Variants in SEC14L1 observed in about 807,000 individuals in gnomAD.
The protein encoded by SEC14L1 is SEC14-like protein 1.
In SEC14L1, 48 loss-of-function variants were observed where a neutral mutation model predicts 85.3. That is an observed-to-expected ratio of 0.56 (90% CI 0.45 to 0.72). The LOEUF (loss-of-function observed/expected upper bound fraction) is 0.72, where lower values mean the gene tolerates loss of function less well. Among genes scored for constraint, SEC14L1 ranks in the 30% least tolerant of loss-of-function variants. The probability of loss-of-function intolerance (pLI) is 0.00; values close to 1 mark genes in which losing one functional copy is unlikely to be tolerated. For synonymous variants in SEC14L1, 391 were observed against 355.5 expected (o/e 1.10, Z -1.12); for missense variants, 682 against 921.4 (o/e 0.74, Z 3.36).
chr17:77,124,684 C>T (rs1972390373), intron 3 of SEC14L1, among the ~76,000 whole-genome samples: 1 of 152,132 alleles, frequency 6.6e-6, no homozygotes, highest in African/African-American at 2.4e-5. Context: ...ACTCACATTC[C>T]AGCATTGCAA....
At chr17:77,140,951 G>A (rs1972976874), upstream of SEC14L1, 1 of 139,292 alleles carries the variant, frequency 7.2e-6, no homozygotes, top group African/African-American at 2.7e-5. Context: ...AAGTGCCGTC[G>A]CCGCGCCCCT....
At chr17:77,121,749 C>G (rs1056187769) in intron 3 of SEC14L1, among the ~76,000 whole-genome samples, 8 of 152,206 alleles carry the variant, frequency 5.3e-5, no homozygotes, top group Non-Finnish European at 1.2e-4. Context: ...AGGAGCCTGC[C>G]CAATGCCACA....
chr17:77,200,868 C>T (rs1461374917), intron 9 of SEC14L1, among the ~76,000 whole-genome samples, 195 bp downstream of exon 9: 2 of 152,218 alleles, frequency 1.3e-5, no homozygotes, highest in African/African-American at 4.8e-5. Flanking sequence ...CGTCCCGCCC[C>T]GGGCAGCCAG....
chr17:77,200,467 T>G lies in SEC14L1; in HGVS notation c.820-17T>G, dbSNP rs1163990340. On this transcript the variant is annotated splice_polypyrimidine_tract_variant and intron_variant, in intron 8 of 16. Coordinates refer to ENST00000436233, the MANE Select transcript of SEC14L1 (RefSeq NM_001143998.2). The stretch of plus-strand genomic sequence containing the variant: ...CAACTTTTAACATTGCTTAGAAATG[T>G]CTTTTTCTCTTAATAGATTCCAAAA... The G allele has an allele frequency of 5.6e-6, 9 of 1,607,402 alleles. No individual in the cohort carries two copies. The highest frequency in any genetic ancestry group is 7.7e-6 in the Non-Finnish European group (9 of 1,175,658).
chr17:77,173,290 A>G (rs538214508), intron 3 of SEC14L1, among the ~76,000 whole-genome samples: 10 of 151,102 alleles, frequency 6.6e-5, no homozygotes, highest in Non-Finnish European at 5.9e-5. Context: ...CTCGCACCGA[A>G]GTCTTCCTGG....
At chr17:77,178,032 G>A (rs1045821572) in intron 3 of SEC14L1, among the ~76,000 whole-genome samples, 3 of 150,472 alleles carry the variant, frequency 2.0e-5, no homozygotes, top group Non-Finnish European at 4.4e-5. Flanking sequence ...CTTTGTACTC[G>A]TGGCTTTTTC....
intron 10 of SEC14L1, among the ~76,000 whole-genome samples, chr17:77,204,171 A>G (rs910512429): frequency 6.6e-6 from 1 of 151,802 alleles, no homozygotes. Context: ...AACTTAAAAG[A>G]CGTATTTATA....
At chr17:77,112,502 C>T (rs1871805100) in intron 3 of SEC14L1, among the ~76,000 whole-genome samples, 3 of 152,160 alleles carry the variant, frequency 2.0e-5, no homozygotes, top group Admixed American at 2.0e-4. Flanking sequence ...ATATTGACGT[C>T]TTTGCAATGT....
intron 3 of SEC14L1, among the ~76,000 whole-genome samples, chr17:77,123,615 C>G (rs1209566271): frequency 6.6e-6 from 1 of 151,596 alleles, no homozygotes; most frequent in African/African-American, 2.4e-5. Flanking sequence ...AGAGGTCTCA[C>G]CATGTTGCCC....
chr17:77,117,885 A>G (rs1185168980), intron 3 of SEC14L1, among the ~76,000 whole-genome samples: 1 of 152,204 alleles, frequency 6.6e-6, no homozygotes, highest in Non-Finnish European at 1.5e-5. Flanking sequence ...CATGATAAGA[A>G]GGCCCTAAAA....
At chr17:77,168,808 T>C (rs1164112990) in intron 3 of SEC14L1, among the ~76,000 whole-genome samples, 1 of 152,174 alleles carries the variant, frequency 6.6e-6, no homozygotes, top group Non-Finnish European at 1.5e-5. Context: ...GTCTGCATAA[T>C]TGACAAACCG....
intron 11 of SEC14L1, among the ~76,000 whole-genome samples, chr17:77,205,881 C>T (rs1976439676): frequency 6.6e-6 from 1 of 152,106 alleles, no homozygotes; most frequent in Non-Finnish European, 1.5e-5. Context: ...GTTAAAATAC[C>T]AGCTGTGTGC....
chr17:77,157,677 G>A (rs907068293), intron 3 of SEC14L1, among the ~76,000 whole-genome samples: 1 of 151,998 alleles, frequency 6.6e-6, no homozygotes, highest in Admixed American at 6.6e-5. Context: ...ACAGGCATGC[G>A]CCACCATCCC....
intron 3 of SEC14L1, among the ~76,000 whole-genome samples, chr17:77,149,856 GT>G (rs201022692): frequency 0.029 from 3,617 of 123,836 alleles, 41 homozygotes; most frequent in South Asian, 0.059. Context: ...GCTGATTTGT[GT>G]TTTTTTTTTT....
At position 77,214,096 on chromosome 17, in the gene SEC14L1, C is replaced by G; in HGVS notation, c.*73C>G. 6.4e-7 allele frequency: 1 copy of G among 1,560,110 alleles called. No individual in the cohort carries two copies. On this transcript the variant is annotated 3_prime_UTR_variant, in exon 17 of 17. Transcript: ENST00000436233. ...TCGGACAGCCAGCTGCACCCGCCCA[C>G]CCAGCGGCGACATTGTACAGACTCC... is the stretch of plus-strand genomic sequence containing the variant.
At chr17:77,169,007 CTTTTTTTTTTTTTT>C (rs71160208) in intron 3 of SEC14L1, among the ~76,000 whole-genome samples, 6 of 77,846 alleles carry the variant, frequency 7.7e-5, no homozygotes, top group East Asian at 7.7e-4. Flanking sequence ...TGAGGAGCAT[CTTTTTTTTTTTTTT>C]TTTTTTTTTT....
At chr17:77,162,408 T>C (rs1974106291) in intron 3 of SEC14L1, among the ~76,000 whole-genome samples, 1 of 152,228 alleles carries the variant, frequency 6.6e-6, no homozygotes, top group African/African-American at 2.4e-5. Flanking sequence ...TATTGACTGG[T>C]AAGGCTGAGA....
At chr17:77,099,765 A>G (rs1367847286) in intron 3 of SEC14L1, among the ~76,000 whole-genome samples, 1 of 152,110 alleles carries the variant, frequency 6.6e-6, no homozygotes, top group East Asian at 1.9e-4. Flanking sequence ...AACAAAAACA[A>G]AAAAAATCCT....
chr17:77,150,203 GAGGA>G (rs759745383), intron 3 of SEC14L1, among the ~76,000 whole-genome samples: 49 of 152,238 alleles, frequency 3.2e-4, no homozygotes, highest in Non-Finnish European at 5.6e-4. Flanking sequence ...ATTAAGACCG[GAGGA>G]AGGAAGAGAA....
Sources: gnomAD v4.1 joint callset for allele counts (sites outside exome capture counted in the v4.1 genomes callset) on GRCh38, gnomAD v4.1.1 for gene constraint, MANE v1.5 for transcripts, NCBI Gene and HGNC (gene_info 2026-07-23, HGNC 2026-07-21) for gene names.